Variants in SEPHS2 observed in about 807,000 individuals in gnomAD.
The protein encoded by SEPHS2 is selenophosphate synthetase 2.
SEPHS2 carries 11 observed loss-of-function variants against 23.9 expected under a neutral mutation model. That is an observed-to-expected ratio of 0.46 (90% CI 0.29 to 0.76). The LOEUF (loss-of-function observed/expected upper bound fraction) is 0.76. Ranked by LOEUF, SEPHS2 falls within the 30% of genes least tolerant of loss-of-function variation. SEPHS2 has a pLI of 0.10. For synonymous variants in SEPHS2, 239 were observed against 247.5 expected (o/e 0.97, Z 0.32); for missense variants, 541 against 592.5 (o/e 0.91, Z 0.90).
rs1245785376 is a variant in SEPHS2 at position 30,445,842 on chromosome 16, A to G, written c.-115T>C. ...CAGGGATTCTCCCTAGCGCTACTCA[A>G]GCCGTCAGACCCACGGCATGCACAA... On this transcript the variant is annotated 5_prime_UTR_variant, in exon 1 of 1. Coordinates refer to ENST00000478753, the MANE Select transcript of SEPHS2 (RefSeq NM_012248.4). 5 of 1,334,616 alleles carry G rather than the reference A, an allele frequency of 3.7e-6. No individual in the cohort carries two copies. Among genetic ancestry groups the G allele is most frequent in the African/African-American group, 3.1e-5 (2 of 64,202 alleles). The allele number at this position is 1,334,616 out of a possible 1,614,324, so 82.7% of individuals were successfully genotyped here.
Position 30,444,351 on chromosome 16 carries a change from T to C in SEPHS2, c.*30A>G. On this transcript the variant is annotated 3_prime_UTR_variant, in exon 1 of 1. Transcript: ENST00000478753. This position sits in a 1 kb window ranked among gnomAD's most constrained non-coding sequence, Gnocchi z 4.0. Reference sequence around the variant, plus strand: ...CATCCGTGATTGTGGACAATGGCTCTAAGGTCCAAACAACTTCTGTTCTTT... The same window carrying C: ...CATCCGTGATTGTGGACAATGGCTCCAAGGTCCAAACAACTTCTGTTCTTT... The C allele has an allele frequency of 6.4e-7, 1 of 1,559,668 alleles. No individual in the cohort carries two copies. The highest frequency in any genetic ancestry group is 8.7e-7 in the Non-Finnish European group (1 of 1,152,084).
At position 30,444,929 on chromosome 16, in the gene SEPHS2, C is replaced by G. The variant is rs2050271511; in HGVS notation, c.799G>C (p.Asp267His). The part of the protein sequence containing the change: ...QVAVNAHQWL[D>H]NPERWNKVKM... ...ACTTTATTCCATCTTTCAGGATTAT[C>G]CAGCCATTGGTGGGCATTGACAGCA... is the stretch of plus-strand genomic sequence containing the variant. The change falls in exon 1 of 1, where the codon GAT (aspartate) becomes CAT (histidine). Residue 267 changes from aspartate (D) to histidine (H), a missense_variant. Around this residue, in one of 3 missense-constraint regions of SEPHS2, gnomAD observed 224 missense variants for 237.4 expected, o/e 0.94. Coordinates refer to ENST00000478753, the MANE Select transcript of SEPHS2 (RefSeq NM_012248.4). This position sits in a 1 kb window ranked among gnomAD's most constrained non-coding sequence, Gnocchi z 4.0. 6.2e-7 allele frequency: 1 copy of G among 1,614,128 alleles called. No homozygotes were observed. The highest frequency in any genetic ancestry group is 1.1e-5 in the South Asian group (1 of 91,084).
At position 30,444,493 on chromosome 16, in the gene SEPHS2, C is replaced by T; in HGVS notation, c.1235G>A (p.Arg412Gln). The change falls in exon 1 of 1, where the codon CGA (arginine) becomes CAA (glutamine). Residue 412 changes from arginine (R) to glutamine (Q), a missense_variant. By Grantham distance (43) the Arg-to-Gln change is conservative. Coordinates refer to ENST00000478753, the MANE Select transcript of SEPHS2 (RefSeq NM_012248.4). The surrounding 1 kb of genome is among the most constrained non-coding windows in gnomAD (Gnocchi z 4.0). ...WIVGIVEKGNRTARIIDKPRV... is the reference protein window; with the variant it reads ...WIVGIVEKGNQTARIIDKPRV... ...CGGCTTGTCAATGATCCGGGCCGTT[C>T]GGTTTCCCTTTTCCACAATGCCAAC... 1.2e-6 allele frequency: 2 copies of T among 1,610,396 alleles called. No individual in the cohort carries two copies. Among genetic ancestry groups the T allele is most frequent in the Non-Finnish European group, 1.7e-6 (2 of 1,176,982 alleles).
In SEPHS2 at chr16:30,444,946, T is replaced by C. The variant is rs80061155; in HGVS notation, c.782A>G (p.Asn261Ser). 2.5e-4 allele frequency: 397 copies of C among 1,614,180 alleles called. 1 individual carries two copies. The African/African-American group carries it at 4.5e-3, about 18-fold the overall frequency. The change falls in exon 1 of 1, where the codon AAT (asparagine) becomes AGT (serine). Residue 261 changes from asparagine to serine, a missense_variant. Transcript: ENST00000478753. The surrounding 1 kb of genome is among the most constrained non-coding windows in gnomAD (Gnocchi z 4.0). Reference sequence around the variant, plus strand: ...AGGATTATCCAGCCATTGGTGGGCATTGACAGCAACCTGGGTTCCTAACGG... The same window carrying C: ...AGGATTATCCAGCCATTGGTGGGCACTGACAGCAACCTGGGTTCCTAACGG... ...TKPLGTQVAV[N>S]AHQWLDNPER...
chr16:30,445,743 G>A lies in SEPHS2; in HGVS notation c.-16C>T, dbSNP rs184618470. ...CTTCCGCCATGGCGCCTGCCCGGCAGGGAAGCGAGAGGAGAAGAGGGCCCT... is the reference window on the plus strand; with the variant it reads ...CTTCCGCCATGGCGCCTGCCCGGCAAGGAAGCGAGAGGAGAAGAGGGCCCT... On this transcript the variant is annotated 5_prime_UTR_variant, in exon 1 of 1. Coordinates refer to ENST00000478753, the MANE Select transcript of SEPHS2 (RefSeq NM_012248.4). 617 of 1,538,810 alleles carry A rather than the reference G, an allele frequency of 4.0e-4. No individual in the cohort carries two copies. The African/African-American group carries it at 7.5e-3, about 19-fold the overall frequency.
In SEPHS2 at chr16:30,444,133, C is replaced by CA; in HGVS notation, c.*247dup. 2.8e-6 allele frequency: 1 copy of CA among 361,256 alleles called. No homozygotes were observed. Among genetic ancestry groups the CA allele is most frequent in the Non-Finnish European group, 5.0e-6 (1 of 201,756 alleles). 22.4% of individuals were successfully genotyped at this position (361,256 alleles called of 1,614,324 possible). On this transcript the variant is annotated 3_prime_UTR_variant, in exon 1 of 1. Coordinates refer to ENST00000478753, the MANE Select transcript of SEPHS2 (RefSeq NM_012248.4). This position sits in a 1 kb window ranked among gnomAD's most constrained non-coding sequence, Gnocchi z 4.0. Reference sequence around the variant, plus strand: ...TTCATCTTACTTTGGCAAGAGAAAACAGAGGTATTTTTGCTCCTCTTCTAC... The same window carrying CA: ...TTCATCTTACTTTGGCAAGAGAAAACAAGAGGTATTTTTGCTCCTCTTCTAC...
chr16:30,445,072 G>A lies in SEPHS2; in HGVS notation c.656C>T (p.Pro219Leu), dbSNP rs2151132773. Reference sequence around the variant, plus strand: ...GGCAACTCCACCGATTATAATCCAAGGGTTGACCACCGTTTGCCCACCGGT... The same window carrying A: ...GGCAACTCCACCGATTATAATCCAAAGGTTGACCACCGTTTGCCCACCGGT... ...AVTGGQTVVN[P>L]WIIIGGVATV... is the part of the protein sequence containing the mutation. The change falls in exon 1 of 1, where the codon CCT (proline) becomes CTT (leucine). Residue 219 changes from proline (P) to leucine (L), a missense_variant. Around this residue, in one of 3 missense-constraint regions of SEPHS2, gnomAD observed 110 missense variants for 173.0 expected, o/e 0.64. Coordinates refer to ENST00000478753, the MANE Select transcript of SEPHS2 (RefSeq NM_012248.4). 2 of 1,592,154 alleles carry A rather than the reference G, an allele frequency of 1.3e-6. No individual in the cohort carries two copies. Among genetic ancestry groups the A allele is most frequent in the East Asian group, 2.2e-5 (1 of 44,706 alleles).
At position 30,444,551 on chromosome 16, in the gene SEPHS2, A is replaced by T. The variant is rs2050269116; in HGVS notation, c.1177T>A (p.Ser393Thr). The change falls in exon 1 of 1, where the codon TCC becomes ACC. Residue 393 changes from serine (S) to threonine (T), a missense_variant. Ser to Thr is a moderately conservative substitution (Grantham distance 58). Around this residue, in one of 3 missense-constraint regions of SEPHS2, gnomAD observed 224 missense variants for 237.4 expected, o/e 0.94. Coordinates refer to ENST00000478753, the MANE Select transcript of SEPHS2 (RefSeq NM_012248.4). The surrounding 1 kb of genome is among the most constrained non-coding windows in gnomAD (Gnocchi z 4.0). ...GCTTGGTGACCCTCTCCGTACTTGG[A>T]GGATTTGATTTCAGAACAAAAGCGA... Reference protein sequence around the residue: ...AARFCSEIKSSKYGEGHQAWI... With the variant: ...AARFCSEIKSTKYGEGHQAWI... 6.2e-7 allele frequency: 1 copy of T among 1,614,042 alleles called. No individual in the cohort carries two copies. Among genetic ancestry groups the T allele is most frequent in the Non-Finnish European group, 8.5e-7 (1 of 1,180,014 alleles).
In SEPHS2 at chr16:30,445,537, A is replaced by G; in HGVS notation, c.191T>C (p.Val64Ala). ...GAGTTTGAGCAGCGCCTCCTGCGGG[A>G]CCTTGCAGCCTCAGCCCTTCATGCC... ...FSGMKGUGCK[V>A]PQEALLKLLA... The change falls in exon 1 of 1, where the codon GTC becomes GCC. Residue 64 changes from valine to alanine, a missense_variant. Val to Ala is a moderately conservative substitution (Grantham distance 64). This residue lies in a region of SEPHS2 where 207 missense variants were observed against 182.2 expected (regional missense o/e 1.14). Transcript: ENST00000478753. The G allele has an allele frequency of 6.5e-7, 1 of 1,534,530 alleles. No individual in the cohort carries two copies. The highest frequency in any genetic ancestry group is 8.7e-7 in the Non-Finnish European group (1 of 1,146,378).
Position 30,444,732 on chromosome 16 carries a change from T to C in SEPHS2, c.996A>G (p.Gln332=), listed in dbSNP as rs1597044761. The C allele has an allele frequency of 2.5e-6, 4 of 1,603,900 alleles. No individual in the cohort carries two copies. Among genetic ancestry groups the C allele is most frequent in the Non-Finnish European group, 3.4e-6 (4 of 1,173,280 alleles). The change falls in exon 1 of 1, where the codon CAA becomes CAG. Residue 332 remains glutamine (Q), a synonymous_variant. Transcript: ENST00000478753. This position sits in a 1 kb window ranked among gnomAD's most constrained non-coding sequence, Gnocchi z 4.0. ...TAACAAAGGACACTTCATTTCTTTG[T>C]TGTTTTGCAAGGTTCTGGGAGTGTC... The part of the protein sequence containing the change: ...ILGHSQNLAK[Q]QRNEVSFVIH...
In SEPHS2 at chr16:30,443,662, T is replaced by C. The variant is rs1435240476; in HGVS notation, c.*719A>G. On this transcript the variant is annotated 3_prime_UTR_variant, in exon 1 of 1. Transcript: ENST00000478753. ...TTCAACAAGGTTTCTTTTATTTATT[T>C]AGCAAGAAATTACTCTTTATTGATC... 2 of 152,630 alleles carry C rather than the reference T, an allele frequency of 1.3e-5. No individual in the cohort carries two copies. Among genetic ancestry groups the C allele is most frequent in the Non-Finnish European group, 2.9e-5 (2 of 68,038 alleles). The allele number at this position is 152,630 out of a possible 1,614,324, so 9.5% of individuals were successfully genotyped here.
chr16:30,444,693 T>C lies in SEPHS2; in HGVS notation c.1035A>G (p.Pro345=), dbSNP rs2151132659. 1.2e-6 allele frequency: 2 copies of C among 1,609,046 alleles called. No homozygotes were observed. Among genetic ancestry groups the C allele is most frequent in the Non-Finnish European group, 1.7e-6 (2 of 1,176,284 alleles). The stretch of plus-strand genomic sequence containing the variant: ...TGACGGCAGCCATCTTGGCAATTAT[T>C]GGCAGATTATGAATAACAAAGGACA... ...NEVSFVIHNL[P]IIAKMAAVSK... The change falls in exon 1 of 1, where the codon CCA becomes CCG. Residue 345 remains proline (P), a synonymous_variant. Coordinates refer to ENST00000478753, the MANE Select transcript of SEPHS2 (RefSeq NM_012248.4). This position sits in a 1 kb window ranked among gnomAD's most constrained non-coding sequence, Gnocchi z 4.0.
Position 30,444,790 on chromosome 16 carries a change from G to C in SEPHS2, c.938C>G (p.Ala313Gly), listed in dbSNP as rs1353064139. The stretch of plus-strand genomic sequence containing the variant: ...GCCAAAGCCTGTGATATCTGTGGCC[G>C]CATGGGCATTAAATGTGTGCATTAA... ...AGLMHTFNAH[A>G]ATDITGFGIL... The change falls in exon 1 of 1, where the codon GCG becomes GGG. Residue 313 changes from alanine (A) to glycine (G), a missense_variant. Physicochemically the swap from Ala to Gly is moderately conservative, Grantham distance 60. Coordinates refer to ENST00000478753, the MANE Select transcript of SEPHS2 (RefSeq NM_012248.4). The surrounding 1 kb of genome is among the most constrained non-coding windows in gnomAD (Gnocchi z 4.0). 16 of 1,613,454 alleles carry C rather than the reference G, an allele frequency of 9.9e-6. No individual in the cohort carries two copies. The highest frequency in any genetic ancestry group is 1.3e-5 in the African/African-American group (1 of 75,022).
rs1211937152 is a variant in SEPHS2, at chr16:30,444,839, T to C, written c.889A>G (p.Thr297Ala). 7 of 1,614,194 alleles carry C rather than the reference T, an allele frequency of 4.3e-6. No individual in the cohort carries two copies. Among genetic ancestry groups the C allele is most frequent in the East Asian group, 2.2e-5 (1 of 44,886 alleles). The change falls in exon 1 of 1, where the codon ACC becomes GCC. Residue 297 changes from threonine (T) to alanine (A), a missense_variant. Physicochemically the swap from Thr to Ala is moderately conservative, Grantham distance 58 (BLOSUM62 0). Transcript: ENST00000478753. The surrounding 1 kb of genome is among the most constrained non-coding windows in gnomAD (Gnocchi z 4.0). ...AYQEAMFNMA[T>A]LNRTAAGLMH... ...AAACCTGCAGCAGTTCTGTTGAGGG[T>C]AGCCATATTGAACATGGCTTCCTGA...
Position 30,444,704 on chromosome 16 carries a change from G to A in SEPHS2, c.1024C>T (p.His342Tyr). 6.2e-7 allele frequency: 1 copy of A among 1,608,174 alleles called. No homozygotes were observed. The highest frequency in any genetic ancestry group is 8.5e-7 in the Non-Finnish European group (1 of 1,175,710). ...ATCTTGGCAATTATTGGCAGATTAT[G>A]AATAACAAAGGACACTTCATTTCTT... The part of the protein sequence containing the change: ...QQRNEVSFVI[H>Y]NLPIIAKMAA... Residue 342 changes from histidine (H) to tyrosine (Y), a missense_variant, in exon 1 of 1, where the codon CAT (histidine) becomes TAT (tyrosine). His to Tyr is a moderately conservative substitution (Grantham distance 83). Transcript: ENST00000478753. The surrounding 1 kb of genome is among the most constrained non-coding windows in gnomAD (Gnocchi z 4.0).
At position 30,444,299 on chromosome 16, in the gene SEPHS2, A is replaced by G; in HGVS notation, c.*82T>C. ...CACTATGCAGGCAGCCTTCTTTGGA[A>G]ATTTCTTACAATCAACTCTTGAGAA... On this transcript the variant is annotated 3_prime_UTR_variant, in exon 1 of 1. Transcript: ENST00000478753. The surrounding 1 kb of genome is among the most constrained non-coding windows in gnomAD (Gnocchi z 4.0). 7.0e-7 allele frequency: 1 copy of G among 1,431,934 alleles called. No homozygotes were observed. Among genetic ancestry groups the G allele is most frequent in the Non-Finnish European group, 9.4e-7 (1 of 1,060,870 alleles). 88.7% of individuals were successfully genotyped at this position (1,431,934 alleles called of 1,614,324 possible). A position where few individuals can be genotyped will look rare whatever the true frequency, so the allele number is the denominator to read the frequency against.
Position 30,445,469 on chromosome 16 carries a change from G to C in SEPHS2, c.259C>G (p.Arg87Gly), listed in dbSNP as rs1186935967. 1.9e-6 allele frequency: 3 copies of C among 1,543,438 alleles called. No individual in the cohort carries two copies. Among genetic ancestry groups the C allele is most frequent in the South Asian group, 2.3e-5 (2 of 85,464 alleles). Residue 87 changes from arginine to glycine, a missense_variant, in exon 1 of 1, where the codon CGG becomes GGG. Coordinates refer to ENST00000478753, the MANE Select transcript of SEPHS2 (RefSeq NM_012248.4). ...TRPDVRPPLG[R>G]GLVGGQEEAS... ...TCTTCCTGGCCACCCACCAGGCCCC[G>C]GCCCAGCGGGGGCCGCACGTCCGGC...
rs778217945 is a variant in SEPHS2, at chr16:30,444,495, G to T, written c.1233C>A (p.Asn411Lys). The change falls in exon 1 of 1, where the codon AAC (asparagine) becomes AAA (lysine). Residue 411 changes from asparagine to lysine, a missense_variant. By Grantham distance (94) the Asn-to-Lys change is moderately conservative. Around this residue, in one of 3 missense-constraint regions of SEPHS2, gnomAD observed 224 missense variants for 237.4 expected, o/e 0.94. Transcript: ENST00000478753. This position sits in a 1 kb window ranked among gnomAD's most constrained non-coding sequence, Gnocchi z 4.0. ...GCTTGTCAATGATCCGGGCCGTTCG[G>T]TTTCCCTTTTCCACAATGCCAACGA... ...AWIVGIVEKG[N>K]RTARIIDKPR... 7 of 1,610,912 alleles carry T rather than the reference G, an allele frequency of 4.3e-6. No homozygotes were observed. The highest frequency in any genetic ancestry group is 5.9e-6 in the Non-Finnish European group (7 of 1,177,476).
chr16:30,445,352 G>T lies in SEPHS2; in HGVS notation c.376C>A (p.Leu126Met). ...GIGMDSCVIPLRHGGLSLVQT... is the reference protein window; with the variant it reads ...GIGMDSCVIPMRHGGLSLVQT... ...ACCAGTGACAGGCCCCCGTGCCTCAGGGGGATGACGCAGGAGTCCATCCCG... is the reference window on the plus strand; with the variant it reads ...ACCAGTGACAGGCCCCCGTGCCTCATGGGGATGACGCAGGAGTCCATCCCG... The change falls in exon 1 of 1, where the codon CTG (leucine) becomes ATG (methionine). Residue 126 changes from leucine (L) to methionine (M), a missense_variant. Physicochemically the swap from Leu to Met is conservative, Grantham distance 15. Around this residue, in one of 3 missense-constraint regions of SEPHS2, gnomAD observed 207 missense variants for 182.2 expected, o/e 1.14. Transcript: ENST00000478753. 1.2e-6 allele frequency: 2 copies of T among 1,612,190 alleles called. No individual in the cohort carries two copies.
Sources: allele counts gnomAD v4.1 joint callset, GRCh38; gene constraint gnomAD v4.1.1; regional missense constraint gnomAD v4.1.1; non-coding constraint Gnocchi (gnomAD v3.1); transcripts MANE v1.5; gene names NCBI Gene and HGNC (gene_info 2026-07-23, HGNC 2026-07-21).